The following TXNDC8 variants were observed in gnomAD, a reference collection of about 807,000 sequenced individuals.
TXNDC8 encodes thioredoxin domain containing 8, also known as thioredoxin domain-containing protein 8.
In TXNDC8, 15 loss-of-function variants were observed where a neutral mutation model predicts 12.9. The ratio of observed to expected loss-of-function variants is 1.16; its 90% CI spans 0.78 to 1.79. The LOEUF is 1.79. Among genes scored for constraint, TXNDC8 ranks in the 40% most tolerant of loss-of-function variants. The probability of loss-of-function intolerance (pLI) is 0.00; values close to 1 mark genes in which losing one functional copy is unlikely to be tolerated. For missense variants in TXNDC8, 128 were observed against 113.2 expected, an observed-to-expected ratio of 1.13 and a Z score of -0.59; for synonymous variants, 40 against 35.4, an observed-to-expected ratio of 1.13 and a Z score of -0.46.
Position 110,303,687 on chromosome 9 carries a change from C to A in TXNDC8, c.283G>T (p.Glu95Ter). Reference sequence around the variant, plus strand: ...CCTGATTGAAAAGTTAAATCCTACTCATTTCCATCATCTGCAAGACACTTT... The same window carrying A: ...CCTGATTGAAAAGTTAAATCCTACTAATTTCCATCATCTGCAAGACACTTT... The change falls in exon 5 of 5, where the codon GAG becomes TAG. Residue 95 changes from glutamate to a stop codon, truncating the protein, a stop_gained. Coordinates refer to ENST00000423740, the MANE Select transcript of TXNDC8 (RefSeq NM_001286946.2). LOFTEE classifies it high-confidence loss of function. 1 of 1,599,060 alleles carries A rather than the reference C, an allele frequency of 6.3e-7. No homozygotes were observed. The highest frequency in any genetic ancestry group is 1.7e-5 in the Admixed American group (1 of 59,364).
chr9:110,325,252 C>G (rs950485922), intron 3 of TXNDC8, among the ~76,000 whole-genome samples: 12 of 152,256 alleles, frequency 7.9e-5, no homozygotes, highest in Middle Eastern at 3.4e-3. Flanking sequence ...TGGGTCTAAA[C>G]ACCTGAGTCA....
intron 3 of TXNDC8, among the ~76,000 whole-genome samples, chr9:110,305,603 TTTCTTTC>T (rs1398845943): frequency 3.1e-5 from 4 of 127,314 alleles, no homozygotes; most frequent in African/African-American, 1.3e-4. Flanking sequence ...TCTTTCTTTC[TTTCTTTC>T]TTTTTCTTCC....
rs542341140 is a variant in TXNDC8, at chr9:110,315,605, G to T, written c.195+10570C>A. On this transcript the variant is annotated intron_variant, in intron 3 of 4. Coordinates refer to ENST00000423740, the MANE Select transcript of TXNDC8 (RefSeq NM_001286946.2). ...CTTGGCCAGTTGATATGCAATTTTG[G>T]TTTTGATCTTCTTGCCTCAGCCTGC... Among the ~76,000 whole-genome samples the T allele has an allele frequency of 3.8e-3, 570 of 151,974 alleles. 6 individuals are homozygous for T. Among genetic ancestry groups the T allele is most frequent in the African/African-American group, 0.013 (544 of 41,468 alleles).
chr9:110,327,891 CTG>C (rs1262891128), intron 2 of TXNDC8, among the ~76,000 whole-genome samples: 2 of 152,002 alleles, frequency 1.3e-5, no homozygotes, highest in Admixed American at 6.6e-5. Context: ...TTGCACAACT[CTG>C]TGAATATAGA....
intron 3 of TXNDC8, chr9:110,323,845 A>C: frequency 6.5e-7 from 1 of 1,546,786 alleles, no homozygotes. Flanking sequence ...CCCAAATTCA[A>C]ATCCAGTGAT....
At chr9:110,323,684 A>C in intron 3 of TXNDC8, 1 of 606,474 alleles carries the variant, frequency 1.6e-6, no homozygotes. Flanking sequence ...TGAAGAATCT[A>C]TGGGGATAGT....
chr9:110,307,625 A>T (rs968345400), intron 3 of TXNDC8, among the ~76,000 whole-genome samples: 13 of 152,208 alleles, frequency 8.5e-5, no homozygotes, highest in Non-Finnish European at 1.6e-4. Flanking sequence ...GTCAAGCTGG[A>T]ACTACTTAGG....
At chr9:110,323,439 CTA>C (rs1443793451) in intron 3 of TXNDC8, 1 of 674,750 alleles carries the variant, frequency 1.5e-6, no homozygotes, top group Non-Finnish European at 1.8e-6. Flanking sequence ...TGAGAAATGG[CTA>C]TTTAAATTAG....
At chr9:110,315,222 C>T (rs1002986628) in intron 3 of TXNDC8, among the ~76,000 whole-genome samples, 2 of 151,986 alleles carry the variant, frequency 1.3e-5, no homozygotes. Flanking sequence ...CTCAGCCTCC[C>T]GAGTAGCTGG....
intron 3 of TXNDC8, among the ~76,000 whole-genome samples, chr9:110,322,128 T>G (rs1839122593): frequency 6.6e-6 from 1 of 152,162 alleles, no homozygotes; most frequent in African/African-American, 2.4e-5. Flanking sequence ...ATGATTACGA[T>G]GTACAAAACG....
Position 110,304,450 on chromosome 9 carries a change from G to T in TXNDC8, c.261+17C>A, listed in dbSNP as rs112549204. 1,454 of 1,603,760 alleles carry T rather than the reference G, an allele frequency of 9.1e-4. 13 individuals carry two copies. In the African/African-American group the frequency reaches 0.016, roughly 18 times the overall value. ...AACCCCAGATTTCTAACTCTAACTTGATCCCATTTCACTTACCAGGTTGCT... is the reference window on the plus strand; with the variant it reads ...AACCCCAGATTTCTAACTCTAACTTTATCCCATTTCACTTACCAGGTTGCT... On this transcript the variant is annotated intron_variant, in intron 4 of 4. Transcript: ENST00000423740.
intron 3 of TXNDC8, among the ~76,000 whole-genome samples, chr9:110,317,006 ACT>A (rs1838908309): frequency 6.6e-6 from 1 of 152,026 alleles, no homozygotes. Context: ...CTGTTCACCG[ACT>A]CTTATTCTGT....
At chr9:110,332,726 A>G (rs1839592273) in intron 2 of TXNDC8, among the ~76,000 whole-genome samples, 1 of 152,224 alleles carries the variant, frequency 6.6e-6, no homozygotes, top group Non-Finnish European at 1.5e-5. Flanking sequence ...AAAAACTGTT[A>G]TGTAGGATAT....
At chr9:110,335,994 C>G (rs925540911) in intron 1 of TXNDC8, among the ~76,000 whole-genome samples, 9 of 152,132 alleles carry the variant, frequency 5.9e-5, no homozygotes, top group African/African-American at 2.2e-4. Flanking sequence ...GGGTTTTTCC[C>G]ATGCTGTTCT....
intron 3 of TXNDC8, chr9:110,324,018 G>A: frequency 1.3e-6 from 2 of 1,548,274 alleles, no homozygotes; most frequent in Non-Finnish European, 1.7e-6. Flanking sequence ...AAGTACATGG[G>A]ATAAGAATGC....
intron 3 of TXNDC8, among the ~76,000 whole-genome samples, chr9:110,317,281 C>A (rs994439311): frequency 1.6e-4 from 24 of 152,182 alleles, no homozygotes; most frequent in African/African-American, 5.3e-4. Context: ...GGCTCATATA[C>A]TTGTTCTCAT....
At chr9:110,313,338 C>T (rs980230089) in intron 3 of TXNDC8, among the ~76,000 whole-genome samples, 10 of 152,048 alleles carry the variant, frequency 6.6e-5, no homozygotes, top group African/African-American at 2.2e-4. Context: ...TTTAAACTTC[C>T]GAAGAAAATA....
intron 3 of TXNDC8, chr9:110,322,692 A>C: frequency 1.0e-6 from 1 of 985,504 alleles, no homozygotes; most frequent in Non-Finnish European, 1.2e-6. Flanking sequence ...CAGCAGCAGG[A>C]ATAAAACCAG....
At chr9:110,321,766 G>C (rs1036256902) in intron 3 of TXNDC8, among the ~76,000 whole-genome samples, 2 of 149,232 alleles carry the variant, frequency 1.3e-5, no homozygotes. Context: ...ATGTCTTTTT[G>C]GCTGGCCATC....
Sources: gnomAD v4.1 joint callset for allele counts (sites outside exome capture counted in the v4.1 genomes callset) on GRCh38, gnomAD v4.1.1 for gene constraint, MANE v1.5 for transcripts, NCBI Gene and HGNC (gene_info 2026-07-23, HGNC 2026-07-21) for gene names.